The following HEMK2 variants were observed in gnomAD, a reference collection of about 807,000 sequenced individuals.
HEMK2 encodes HemK methyltransferase 2, ETF1 glutamine and histone H4 lysine, also known as methyltransferase HEMK2.
the HEMK2 span, among the ~76,000 whole-genome samples, chr21:28,820,209 CTACA>C: frequency 6.6e-6 from 1 of 152,142 alleles, no homozygotes; most frequent in Non-Finnish European, 1.5e-5. Flanking sequence ...TTTTCCCTAT[CTACA>C]TAAAGACCAG....
At chr21:28,675,992 C>G in the HEMK2 span, among the ~76,000 whole-genome samples, 1 of 152,184 alleles carries the variant, frequency 6.6e-6, no homozygotes, top group Admixed American at 6.5e-5. Flanking sequence ...GGAATTTACT[C>G]CAACACAGAA....
chr21:28,643,822 T>C, the HEMK2 span, among the ~76,000 whole-genome samples: 4 of 152,244 alleles, frequency 2.6e-5, no homozygotes, highest in Non-Finnish European at 4.4e-5. Context: ...CACTAGCTCA[T>C]GTAATAATCA....
At chr21:28,763,039 T>G in the HEMK2 span, among the ~76,000 whole-genome samples, 1 of 152,104 alleles carries the variant, frequency 6.6e-6, no homozygotes, top group Non-Finnish European at 1.5e-5. Context: ...TCCTATTGCC[T>G]CAGGTTAGAT....
At chr21:28,730,132 C>T in the HEMK2 span, among the ~76,000 whole-genome samples, 1 of 151,968 alleles carries the variant, frequency 6.6e-6, no homozygotes, top group Admixed American at 6.6e-5. Flanking sequence ...AATCCCAGCA[C>T]TTTGGGATGC....
chr21:28,614,413 A>AT, the HEMK2 span, among the ~76,000 whole-genome samples: 3 of 147,048 alleles, frequency 2.0e-5, no homozygotes, highest in African/African-American at 7.6e-5. Context: ...GTTTTCATAC[A>AT]TTAAAAAAAA....
At chr21:28,662,202 G>A in the HEMK2 span, among the ~76,000 whole-genome samples, 12 of 152,080 alleles carry the variant, frequency 7.9e-5, no homozygotes, top group Admixed American at 2.0e-4. Flanking sequence ...AGAGGGTCAC[G>A]CTGATACGTG....
the HEMK2 span, among the ~76,000 whole-genome samples, chr21:28,617,961 T>C: frequency 6.6e-6 from 1 of 152,266 alleles, no homozygotes; most frequent in East Asian, 1.9e-4. Flanking sequence ...CTAATTTTTG[T>C]ACTGTTTGTA....
At chr21:28,838,568 T>C in the HEMK2 span, among the ~76,000 whole-genome samples, 1 of 52,736 alleles carries the variant, frequency 1.9e-5, no homozygotes, top group African/African-American at 1.7e-4. Context: ...GAAAACTACA[T>C]ACAGACCAAC....
chr21:28,826,387 A>T, the HEMK2 span, among the ~76,000 whole-genome samples: 2 of 152,222 alleles, frequency 1.3e-5, no homozygotes. Context: ...TGACTAAAAC[A>T]CTAAAGGACA....
At chr21:28,818,705 C>T in the HEMK2 span, among the ~76,000 whole-genome samples, 7 of 152,210 alleles carry the variant, frequency 4.6e-5, no homozygotes, top group African/African-American at 1.4e-4. Flanking sequence ...TCCCTGGAGC[C>T]TCACAGGGAC....
the HEMK2 span, chr21:28,674,625 G>T: frequency 6.6e-6 from 1 of 152,260 alleles, no homozygotes; most frequent in Non-Finnish European, 1.5e-5. Context: ...AGTTCTTTTT[G>T]TCTCCAGATC....
At chr21:28,866,013 A>G in the HEMK2 span, among the ~76,000 whole-genome samples, 1 of 151,680 alleles carries the variant, frequency 6.6e-6, no homozygotes, top group East Asian at 1.9e-4. Context: ...TAAGAATAGT[A>G]TAAGTTTTGG....
chr21:28,804,207 G>A, the HEMK2 span, among the ~76,000 whole-genome samples: 3 of 152,116 alleles, frequency 2.0e-5, no homozygotes, highest in Non-Finnish European at 4.4e-5. Flanking sequence ...ATCTCTTCTA[G>A]AATCAGGAAG....
chr21:28,830,312 C>T, the HEMK2 span, among the ~76,000 whole-genome samples: 2 of 152,066 alleles, frequency 1.3e-5, no homozygotes, highest in African/African-American at 2.4e-5. Flanking sequence ...TAAGTTCTCA[C>T]GAGATCTGAT....
At chr21:28,719,710 A>C in the HEMK2 span, among the ~76,000 whole-genome samples, 1 of 152,208 alleles carries the variant, frequency 6.6e-6, no homozygotes, top group Non-Finnish European at 1.5e-5. Context: ...TCCAAGTGAC[A>C]GGGTTTGAAG....
the HEMK2 span, among the ~76,000 whole-genome samples, chr21:28,792,983 T>G: frequency 2.6e-5 from 4 of 152,190 alleles, no homozygotes; most frequent in African/African-American, 9.7e-5. Context: ...GTAAGGCAAC[T>G]TGGATTTATA....
chr21:28,585,866 C>G, the HEMK2 span, among the ~76,000 whole-genome samples: 31 of 131,402 alleles, frequency 2.4e-4, no homozygotes, highest in African/African-American at 7.6e-4. Context: ...TCCAATAAAT[C>G]TTGAATAAAA....
At chr21:28,634,770 A>T in the HEMK2 span, among the ~76,000 whole-genome samples, 1 of 152,200 alleles carries the variant, frequency 6.6e-6, no homozygotes, top group Non-Finnish European at 1.5e-5. Context: ...TAACTTATAG[A>T]CGTATTATAA....
At chr21:28,683,408 T>C in the HEMK2 span, among the ~76,000 whole-genome samples, 1 of 152,218 alleles carries the variant, frequency 6.6e-6, no homozygotes, top group East Asian at 1.9e-4. Context: ...TCTGAAACAC[T>C]GTGATGAACA....
Sources: allele counts gnomAD v4.1 joint callset (sites outside exome capture counted in the v4.1 genomes callset), GRCh38; gene constraint gnomAD v4.1.1; transcripts MANE v1.5; gene names NCBI Gene and HGNC (gene_info 2026-07-23, HGNC 2026-07-21).